Variants in PTPA observed in about 807,000 individuals in gnomAD.
The protein encoded by PTPA is protein phosphatase 2 phosphatase activator.
A neutral mutation model predicts 43.6 loss-of-function variants in PTPA; 13 were observed. That is an observed-to-expected ratio of 0.30 (90% CI 0.19 to 0.47). The LOEUF is 0.47. PTPA is among the 20% of genes least tolerant of loss of function. PTPA has a pLI of 0.99. For missense variants in PTPA, 329 were observed against 411.9 expected (o/e 0.80, Z 1.74); for synonymous variants, 172 against 158.2 (o/e 1.09, Z -0.66).
At chr9:129,116,351 A>ACT (rs1848865080) in intron 1 of PTPA, among the ~76,000 whole-genome samples, 1 of 138,484 alleles carries the variant, frequency 7.2e-6, no homozygotes. Flanking sequence ...CGCCCAGCTA[A>ACT]TTTTTTTTGT....
Position 129,111,432 on chromosome 9 carries a change from C to A in PTPA, c.-169C>A. On this transcript the variant is annotated 5_prime_UTR_variant, in exon 1 of 10. Transcript: ENST00000393370. Reference sequence around the variant, plus strand: ...CGCCCCGCACCGACATGGCGGCCGTCTTCGCTGTGGTGACTTTAACTCTCG... The same window carrying A: ...CGCCCCGCACCGACATGGCGGCCGTATTCGCTGTGGTGACTTTAACTCTCG... 3 of 1,250,756 alleles carry A rather than the reference C, an allele frequency of 2.4e-6. No individual in the cohort carries two copies. The highest frequency in any genetic ancestry group is 3.0e-6 in the Non-Finnish European group (3 of 990,240). The allele number at this position is 1,250,756 out of a possible 1,614,324, so 77.5% of individuals were successfully genotyped here. A position where few individuals can be genotyped will look rare whatever the true frequency, so the allele number is the denominator to read the frequency against.
chr9:129,140,192 C>A (rs1374038739), intron 8 of PTPA: 1 of 152,586 alleles, frequency 6.6e-6, no homozygotes, highest in Admixed American at 6.5e-5. Context: ...CTGACTCACA[C>A]GATTCCCCTG....
At chr9:129,127,646 A>G (rs754056173) in intron 3 of PTPA, among the ~76,000 whole-genome samples, 3 of 152,200 alleles carry the variant, frequency 2.0e-5, no homozygotes, top group Non-Finnish European at 4.4e-5. Flanking sequence ...TTCATTGAGT[A>G]ACATTTTATG....
At chr9:129,133,070 A>G (rs2131592190) in intron 5 of PTPA, among the ~76,000 whole-genome samples, 1 of 152,326 alleles carries the variant, frequency 6.6e-6, no homozygotes, top group Non-Finnish European at 1.5e-5. Context: ...CTGTCGAGCC[A>G]CCATGCTGAG....
At chr9:129,133,933 GC>G (rs1850166532) in intron 5 of PTPA, among the ~76,000 whole-genome samples, 1 of 152,108 alleles carries the variant, frequency 6.6e-6, no homozygotes, top group East Asian at 1.9e-4. Flanking sequence ...CACTCCCTTT[GC>G]CTTGCCAGCT....
intron 3 of PTPA, among the ~76,000 whole-genome samples, chr9:129,125,549 T>G (rs1849522523): frequency 6.6e-6 from 1 of 152,146 alleles, no homozygotes; most frequent in African/African-American, 2.4e-5. Flanking sequence ...GGCCCAGGTA[T>G]TGTCTTAGCT....
At chr9:129,132,502 A>AATTT (rs1229158946) in intron 5 of PTPA, among the ~76,000 whole-genome samples, 3 of 151,820 alleles carry the variant, frequency 2.0e-5, no homozygotes, top group Non-Finnish European at 4.4e-5. Flanking sequence ...CCAGCCTGGC[A>AATTT]ATTTATTTAT....
At chr9:129,145,439 T>C (rs1851233927) in intron 9 of PTPA, among the ~76,000 whole-genome samples, 1 of 152,096 alleles carries the variant, frequency 6.6e-6, no homozygotes, top group African/African-American at 2.4e-5. Flanking sequence ...TGGGCTGGCA[T>C]GTTGCCTACA....
intron 9 of PTPA, chr9:129,143,004 G>A (rs1320562142): frequency 8.3e-7 from 1 of 1,205,148 alleles, no homozygotes; most frequent in Non-Finnish European, 1.1e-6. Context: ...AGTGGTGGGA[G>A]GTCTGAGGGT....
intron 1 of PTPA, chr9:129,111,951 T>TA (rs1848531206): frequency 6.8e-6 from 3 of 440,650 alleles, no homozygotes. Context: ...AGCGCGTGCT[T>TA]AAGTAAGCTG....
chr9:129,120,577 A>G lies in PTPA; in HGVS notation c.96A>G (p.Thr32=). 2 of 1,613,834 alleles carry G rather than the reference A, an allele frequency of 1.2e-6. No individual in the cohort carries two copies. Among genetic ancestry groups the G allele is most frequent in the East Asian group, 2.2e-5 (1 of 44,882 alleles). The change falls in exon 2 of 10, where the codon ACA becomes ACG. Residue 32 remains threonine (T), a synonymous_variant. Transcript: ENST00000393370. The part of the protein sequence containing the change: ...NFIIPKKEIH[T]VPDMGKWKRS... ...TCATTCCAAAAAAGGAGATCCACAC[A>G]GTTCCAGACATGGGCAAATGGAAGC...
chr9:129,114,185 C>G (rs963205281), intron 1 of PTPA, among the ~76,000 whole-genome samples: 4 of 152,092 alleles, frequency 2.6e-5, no homozygotes, highest in African/African-American at 9.7e-5. Flanking sequence ...CTGTGCCGGG[C>G]TAATTTTTTG....
At chr9:129,120,405 C>T in intron 1 of PTPA, 108 bp from the exon 2 acceptor site, 3 of 796,448 alleles carry the variant, frequency 3.8e-6, no homozygotes, top group Non-Finnish European at 5.6e-6. Flanking sequence ...GCCTGGGCAA[C>T]AAGAGCAAAA....
rs1434918482 is a variant in PTPA, at chr9:129,134,871, T to C, written c.537T>C (p.Ala179=). The C allele has an allele frequency of 1.9e-6, 3 of 1,613,742 alleles. No homozygotes were observed. The highest frequency in any genetic ancestry group is 2.5e-6 in the Non-Finnish European group (3 of 1,179,884). The change falls in exon 6 of 10, where the codon GCT becomes GCC. Residue 179 remains alanine, a synonymous_variant. Transcript: ENST00000393370. The part of the protein sequence containing the change: ...IGVLRVDDQI[A]IVFKVFNRYL... ...TGCTCCGGGTGGATGACCAAATAGC[T>C]ATTGTCTTCAAGGTGTTCAATCGGT...
chr9:129,136,739 G>C, intron 7 of PTPA, 144 bp downstream of exon 7: 1 of 1,121,592 alleles, frequency 8.9e-7, no homozygotes, highest in African/African-American at 1.6e-5. Flanking sequence ...CATTAGACCA[G>C]CTATTGAGGG....
rs775315362 is a variant in PTPA at position 129,147,372 on chromosome 9, G to A, written c.895-15G>A. 6.2e-7 allele frequency: 1 copy of A among 1,613,244 alleles called. No homozygotes were observed. Among genetic ancestry groups the A allele is most frequent in the African/African-American group, 1.3e-5 (1 of 74,890 alleles). On this transcript the variant is annotated splice_polypyrimidine_tract_variant and intron_variant, in intron 9 of 9. Coordinates refer to ENST00000393370, the MANE Select transcript of PTPA (RefSeq NM_178000.3). ...GTGGCCCTCACCACTCTGCTCACCT[G>A]CTCCTTCCTCACAGTGCCTGGAGAA...
At chr9:129,134,960 G>A in intron 6 of PTPA, 66 bp downstream of exon 6, 1 of 1,363,754 alleles carries the variant, frequency 7.3e-7, no homozygotes, top group Non-Finnish European at 1.0e-6. Flanking sequence ...TCCTCAAACT[G>A]GGAAATGGGG....
At chr9:129,137,457 T>C (rs943918222) in intron 7 of PTPA, 135 bp from the exon 8 acceptor site, 81 of 644,698 alleles carry the variant, frequency 1.3e-4, no homozygotes, top group Non-Finnish European at 1.3e-4. Flanking sequence ...GAGTTACTTA[T>C]TGCTCCTTCA....
At chr9:129,122,149 C>A (rs940355012) in intron 2 of PTPA, among the ~76,000 whole-genome samples, 1 of 152,108 alleles carries the variant, frequency 6.6e-6, no homozygotes, top group Non-Finnish European at 1.5e-5. Flanking sequence ...GGCCCCCAGG[C>A]TGGAGTTCAG....
Sources: gnomAD v4.1 joint callset for allele counts (sites outside exome capture counted in the v4.1 genomes callset) on GRCh38, gnomAD v4.1.1 for gene constraint, MANE v1.5 for transcripts, NCBI Gene and HGNC (gene_info 2026-07-23, HGNC 2026-07-21) for gene names.